Variants in TRAPPC9 observed in about 807,000 individuals in gnomAD.
The protein encoded by TRAPPC9 is IKK2 binding protein.
TRAPPC9 carries 83 observed loss-of-function variants against 124.0 expected under a neutral mutation model. The observed-to-expected ratio is 0.67, with a 90% CI of 0.56 to 0.80. The LOEUF is 0.80. Among genes scored for constraint, TRAPPC9 ranks in the 30% least tolerant of loss-of-function variants. The probability of loss-of-function intolerance (pLI) is 0.00; values close to 1 mark genes in which losing one functional copy is unlikely to be tolerated. For missense variants in TRAPPC9, 1,302 were observed against 1,508.3 expected (o/e 0.86, Z 2.27); for synonymous variants, 638 against 617.5 (o/e 1.03, Z -0.49).
intron 19 of TRAPPC9, among the ~76,000 whole-genome samples, chr8:139,925,229 T>C (rs6578053): frequency 0.69 from 104,530 of 152,156 alleles, 37,585 homozygotes; most frequent in African/African-American, 0.92. Context: ...AAAAATGCCC[T>C]GTTACAGAGC....
chr8:140,244,152 A>G (rs1310538019), intron 16 of TRAPPC9, among the ~76,000 whole-genome samples: 1 of 152,208 alleles, frequency 6.6e-6, no homozygotes, highest in Non-Finnish European at 1.5e-5. Context: ...CTTGGTGCCA[A>G]AGAGGTTGGG....
chr8:140,193,835 C>G (rs946570165), intron 17 of TRAPPC9, among the ~76,000 whole-genome samples: 1 of 152,172 alleles, frequency 6.6e-6, no homozygotes, highest in Non-Finnish European at 1.5e-5. Flanking sequence ...TCTTTCAGGG[C>G]TGGTCTGAGA....
intron 17 of TRAPPC9, among the ~76,000 whole-genome samples, chr8:140,132,351 T>G (rs540715569): frequency 6.6e-6 from 1 of 152,246 alleles, no homozygotes; most frequent in Admixed American, 6.5e-5. Flanking sequence ...TTTCTAATCT[T>G]GACACCCACG....
chr8:140,399,676 G>A (rs1350602873), intron 6 of TRAPPC9, among the ~76,000 whole-genome samples: 1 of 152,186 alleles, frequency 6.6e-6, no homozygotes, highest in Non-Finnish European at 1.5e-5. Flanking sequence ...GATTTTATAG[G>A]CTCATAGGCA....
chr8:139,988,302 G>A (rs372519418), intron 19 of TRAPPC9, among the ~76,000 whole-genome samples: 11 of 151,744 alleles, frequency 7.2e-5, no homozygotes, highest in South Asian at 2.1e-4. Context: ...TAGTAGAGAC[G>A]GGGTTTCACC....
At chr8:140,190,174 G>A (rs765754832) in intron 17 of TRAPPC9, among the ~76,000 whole-genome samples, 3 of 152,076 alleles carry the variant, frequency 2.0e-5, no homozygotes, top group Admixed American at 6.6e-5. Flanking sequence ...CCACTAATCC[G>A]GCCAGGCGCG....
chr8:139,800,995 G>A (rs548662484), intron 21 of TRAPPC9, among the ~76,000 whole-genome samples: 36 of 138,098 alleles, frequency 2.6e-4, no homozygotes, highest in Non-Finnish European at 5.2e-4. Flanking sequence ...CCCCGCTCTG[G>A]CACCTTCCCT....
chr8:140,284,089 A>G, intron 13 of TRAPPC9, 68 bp from the exon 14 acceptor site: 1 of 1,602,964 alleles, frequency 6.2e-7, no homozygotes, highest in Non-Finnish European at 8.5e-7. Flanking sequence ...CGGCTGAAGC[A>G]GTGCGAAGAG....
intron 17 of TRAPPC9, among the ~76,000 whole-genome samples, chr8:140,126,403 C>A (rs2061098561): frequency 6.6e-6 from 1 of 152,100 alleles, no homozygotes; most frequent in African/African-American, 2.4e-5. Flanking sequence ...AACGAATCAG[C>A]CCCCCAGTCC....
intron 17 of TRAPPC9, among the ~76,000 whole-genome samples, chr8:140,184,611 T>G (rs2062310474): frequency 6.6e-6 from 1 of 152,118 alleles, no homozygotes; most frequent in African/African-American, 2.4e-5. Context: ...AATTTTTGTT[T>G]TGTTTTGTTT....
intron 21 of TRAPPC9, among the ~76,000 whole-genome samples, chr8:139,874,068 G>A (rs1027227237): frequency 1.1e-4 from 17 of 152,240 alleles, no homozygotes; most frequent in Admixed American, 8.5e-4. Flanking sequence ...CCACAGGCAC[G>A]CACGCTGCAC....
intron 8 of TRAPPC9, among the ~76,000 whole-genome samples, chr8:140,369,898 G>T (rs1045990470): frequency 6.6e-6 from 1 of 152,110 alleles, no homozygotes; most frequent in Non-Finnish European, 1.5e-5. Flanking sequence ...GCTGCAGTGA[G>T]CCAAGATCAT....
intron 16 of TRAPPC9, among the ~76,000 whole-genome samples, chr8:140,245,036 C>A (rs940767481): frequency 6.6e-6 from 1 of 151,934 alleles, no homozygotes; most frequent in Admixed American, 6.6e-5. Context: ...GATCTCCTGA[C>A]CCCATGATTC....
intron 9 of TRAPPC9, among the ~76,000 whole-genome samples, chr8:140,321,777 A>G (rs927202709): frequency 1.1e-4 from 16 of 152,162 alleles, no homozygotes; most frequent in Admixed American, 4.6e-4. Context: ...CGTGCAGTAC[A>G]CTGAGGCTGA....
intron 9 of TRAPPC9, among the ~76,000 whole-genome samples, chr8:140,354,550 C>T (rs1239412867): frequency 6.6e-6 from 1 of 152,124 alleles, no homozygotes; most frequent in African/African-American, 2.4e-5. Flanking sequence ...AGAAGGCCCC[C>T]GATGATGCTG....
At position 140,157,136 on chromosome 8, in the gene TRAPPC9, AG is replaced by A. The variant is rs2130864186; in HGVS notation, c.2556+64322del. On this transcript the variant is annotated intron_variant, in intron 17 of 22. Coordinates refer to ENST00000438773, the MANE Select transcript of TRAPPC9 (RefSeq NM_001160372.4). ...ATTCAGAAGCCTCCCTTTTCCATTC[AG>A]AAGCCTCCCTTTTCCATTCAGAAGC... is the stretch of plus-strand genomic sequence containing the variant. Among the ~76,000 whole-genome samples, 2 of 119,678 alleles carry A rather than the reference AG, an allele frequency of 1.7e-5. 1 individual carries two copies. The highest frequency in any genetic ancestry group is 6.6e-5 in the African/African-American group (2 of 30,390). The allele number at this position is 119,678 out of a possible 152,430, so 78.5% of individuals were successfully genotyped here. A position where few individuals can be genotyped will look rare whatever the true frequency, so the allele number is the denominator to read the frequency against.
chr8:140,069,786 G>A (rs1302799708), intron 17 of TRAPPC9, among the ~76,000 whole-genome samples: 1 of 152,160 alleles, frequency 6.6e-6, no homozygotes, highest in East Asian at 1.9e-4. Flanking sequence ...AACCAGAGGA[G>A]CTGCAGGTCC....
intron 18 of TRAPPC9, among the ~76,000 whole-genome samples, chr8:140,015,019 C>T (rs1839372523): frequency 6.6e-6 from 1 of 152,246 alleles, no homozygotes; most frequent in Non-Finnish European, 1.5e-5. Flanking sequence ...GACAAACAGA[C>T]TACCCCAGGA....
chr8:139,891,844 C>T (rs1279371555), intron 20 of TRAPPC9, among the ~76,000 whole-genome samples: 1 of 152,176 alleles, frequency 6.6e-6, no homozygotes, highest in Non-Finnish European at 1.5e-5. Flanking sequence ...AGCGATTTAA[C>T]GTTCATCATG....
Sources: allele counts gnomAD v4.1 joint callset (sites outside exome capture counted in the v4.1 genomes callset), GRCh38; gene constraint gnomAD v4.1.1; transcripts MANE v1.5; gene names NCBI Gene and HGNC (gene_info 2026-07-23, HGNC 2026-07-21).